SLC5A12: variants seen among roughly 807,000 people sequenced by gnomAD.
The protein encoded by SLC5A12 is sodium-coupled monocarboxylate transporter 2.
Under a neutral mutation model 72.7 loss-of-function variants are expected in SLC5A12, and 46 were observed. The ratio of observed to expected loss-of-function variants is 0.63; its 90% CI spans 0.50 to 0.81. The LOEUF (loss-of-function observed/expected upper bound fraction) is 0.81, where lower values mean the gene tolerates loss of function less well. Ranked by LOEUF, SLC5A12 falls within the 30% of genes least tolerant of loss-of-function variation. SLC5A12 has a pLI of 0.00. For synonymous variants in SLC5A12, 275 were observed against 264.4 expected (o/e 1.04, Z -0.39); for missense variants, 683 against 740.7 (o/e 0.92, Z 0.90).
At chr11:26,708,893 T>C (rs937216191) in intron 4 of SLC5A12, among the ~76,000 whole-genome samples, 3 of 152,082 alleles carry the variant, frequency 2.0e-5, no homozygotes, top group Admixed American at 1.3e-4. Flanking sequence ...ATAGCAGCCA[T>C]CACTGCTCAC....
At chr11:26,698,608 C>T in intron 6 of SLC5A12, 73 bp from the exon 7 acceptor site, 2 of 1,463,384 alleles carry the variant, frequency 1.4e-6, no homozygotes, top group Non-Finnish European at 1.8e-6. Context: ...TTACCAGGTA[C>T]TCAAGGTAAA....
rs1414982767 is a variant in SLC5A12, at chr11:26,669,139, TTC to T, written c.*1961_*1962del. The T allele has an allele frequency of 1.4e-5, 2 of 140,386 alleles. No homozygotes were observed. Among genetic ancestry groups the T allele is most frequent in the African/African-American group, 5.0e-5 (2 of 40,220 alleles). 8.7% of individuals were successfully genotyped at this position (140,386 alleles called of 1,614,324 possible). A position where few individuals can be genotyped will look rare whatever the true frequency, so the allele number is the denominator to read the frequency against. On this transcript the variant is annotated 3_prime_UTR_variant, in exon 15 of 15. Transcript: ENST00000396005. ...CTCAGAATTGCTGTTTTTTTATTCT[TTC>T]TGTCTCTCTCTTCCTCTTCCTGTCT...
rs1176440589 is a variant in SLC5A12, at chr11:26,719,264, G to A, written c.339+2112C>T. On this transcript the variant is annotated intron_variant, in intron 1 of 14. Transcript: ENST00000396005. ...TAACTTTTTATTGTAAAGTTACTGT[G>A]CACTAAGGTAATACTAATATGTGCA... is the stretch of plus-strand genomic sequence containing the variant. Among the ~76,000 whole-genome samples the A allele has an allele frequency of 2.0e-5, 3 of 152,152 alleles. No individual in the cohort carries two copies. In the East Asian group the frequency reaches 5.8e-4, roughly 29 times the overall value.
chr11:26,712,476 A>G (rs887211483), intron 2 of SLC5A12, among the ~76,000 whole-genome samples, 165 bp downstream of exon 2: 1 of 152,000 alleles, frequency 6.6e-6, no homozygotes, highest in African/African-American at 2.4e-5. Context: ...TGCAATATAC[A>G]TTTGTTTGTT....
chr11:26,685,490 C>G (rs543517984), intron 10 of SLC5A12, among the ~76,000 whole-genome samples: 16 of 152,122 alleles, frequency 1.1e-4, no homozygotes, highest in Admixed American at 3.3e-4. Flanking sequence ...CACCTGTAAT[C>G]CCAGCTACTT....
intron 4 of SLC5A12, among the ~76,000 whole-genome samples, chr11:26,708,530 C>G (rs1195710387): frequency 6.6e-6 from 1 of 151,966 alleles, no homozygotes; most frequent in East Asian, 1.9e-4. Context: ...ATACATGAAT[C>G]ATCTGCTATA....
rs1411497445 is a variant in SLC5A12 at position 26,668,304 on chromosome 11, G to T, written c.*2798C>A. ...CATTTTTACCAATATCTGTGGTTGT[G>T]CTTTAAAGGTACAGTGGTGAGTATC... is the stretch of plus-strand genomic sequence containing the variant. On this transcript the variant is annotated 3_prime_UTR_variant, in exon 15 of 15. Coordinates refer to ENST00000396005, the MANE Select transcript of SLC5A12 (RefSeq NM_178498.4). 1.3e-5 allele frequency: 2 copies of T among 151,968 alleles called. No homozygotes were observed. The highest frequency in any genetic ancestry group is 3.9e-4 in the East Asian group (2 of 5,184). 9.4% of individuals were successfully genotyped at this position (151,968 alleles called of 1,614,324 possible).
intron 3 of SLC5A12, 111 bp downstream of exon 3, chr11:26,711,196 C>T (rs1855218718): frequency 2.3e-6 from 2 of 856,170 alleles, no homozygotes; most frequent in South Asian, 3.0e-5. Flanking sequence ...AATTCAGAAT[C>T]CTCTAACCAG....
intron 3 of SLC5A12, among the ~76,000 whole-genome samples, chr11:26,711,010 A>C (rs1196111936): frequency 6.6e-6 from 1 of 152,114 alleles, no homozygotes; most frequent in African/African-American, 2.4e-5. Context: ...CAACATATAC[A>C]ATACCGAAAC....
At chr11:26,714,326 G>A (rs73438432) in intron 1 of SLC5A12, among the ~76,000 whole-genome samples, 7,703 of 152,060 alleles carry the variant, frequency 0.051, 218 homozygotes, top group South Asian at 0.096. Context: ...AAAATGATAA[G>A]CAAATATGAT....
intron 11 of SLC5A12, among the ~76,000 whole-genome samples, chr11:26,682,854 A>G (rs1209730049): frequency 1.3e-5 from 2 of 152,144 alleles, no homozygotes; most frequent in African/African-American, 2.4e-5. Flanking sequence ...ACAAGTGATT[A>G]AGACTGCTTG....
At chr11:26,691,074 T>C (rs1234503371) in intron 9 of SLC5A12, among the ~76,000 whole-genome samples, 1 of 152,070 alleles carries the variant, frequency 6.6e-6, no homozygotes, top group African/African-American at 2.4e-5. Context: ...TTATTTCCTC[T>C]TTATATAAAG....
intron 8 of SLC5A12, among the ~76,000 whole-genome samples, chr11:26,694,734 G>A (rs7926693): frequency 0.13 from 20,330 of 152,024 alleles, 1,702 homozygotes; most frequent in African/African-American, 0.24. Context: ...AAAAATATGT[G>A]ACCATTTCAA....
At position 26,669,512 on chromosome 11, in the gene SLC5A12, T is replaced by C. The variant is rs1044698227; in HGVS notation, c.*1590A>G. ...TTCCCTCTATTCCCAAATGTATTTTTTTCTCATCTCTCTTATAAACTGTAG... is the reference window on the plus strand; with the variant it reads ...TTCCCTCTATTCCCAAATGTATTTTCTTCTCATCTCTCTTATAAACTGTAG... On this transcript the variant is annotated 3_prime_UTR_variant, in exon 15 of 15. Transcript: ENST00000396005. 6.6e-6 allele frequency: 1 copy of C among 151,458 alleles called. No individual in the cohort carries two copies. The highest frequency in any genetic ancestry group is 1.5e-5 in the Non-Finnish European group (1 of 67,678). 9.4% of individuals were successfully genotyped at this position (151,458 alleles called of 1,614,324 possible).
chr11:26,687,236 ATTG>A (rs374688332), intron 9 of SLC5A12, among the ~76,000 whole-genome samples: 383 of 152,324 alleles, frequency 2.5e-3, no homozygotes, highest in Non-Finnish European at 4.0e-3. Context: ...TTAAAAAGTC[ATTG>A]TTTTTATACA....
intron 9 of SLC5A12, among the ~76,000 whole-genome samples, chr11:26,689,090 CAAA>C (rs36100337): frequency 8.1e-5 from 9 of 111,318 alleles, no homozygotes; most frequent in African/African-American, 2.5e-4. Flanking sequence ...AAGGACGTTA[CAAA>C]AAAAAAAAAA....
intron 12 of SLC5A12, among the ~76,000 whole-genome samples, chr11:26,679,382 A>C (rs938553140): frequency 6.6e-6 from 1 of 152,158 alleles, no homozygotes; most frequent in African/African-American, 2.4e-5. Context: ...CTAAGAAGAG[A>C]ATACAGTAAG....
At chr11:26,710,822 C>T (rs1274187086) in intron 3 of SLC5A12, among the ~76,000 whole-genome samples, 2 of 151,978 alleles carry the variant, frequency 1.3e-5, no homozygotes, top group African/African-American at 2.4e-5. Flanking sequence ...TTCAATACGG[C>T]AGGTGTCATT....
At position 26,703,929 on chromosome 11, in the gene SLC5A12, C is replaced by A; in HGVS notation, c.544G>T (p.Val182Leu). ...YCTLGGLKAVVWTDAFQMVVM... is the reference protein window; with the variant it reads ...YCTLGGLKAVLWTDAFQMVVM... The stretch of plus-strand genomic sequence containing the variant: ...ACCATCTGAAATGCATCTGTCCACA[C>A]CACTGCTTTTAATCCTCCCTGAAAT... Residue 182 changes from valine (V) to leucine (L), a missense_variant, in exon 5 of 15, where the codon GTG becomes TTG. By Grantham distance (32) the Val-to-Leu change is conservative. Coordinates refer to ENST00000396005, the MANE Select transcript of SLC5A12 (RefSeq NM_178498.4). The A allele has an allele frequency of 6.2e-7, 1 of 1,613,762 alleles. No individual in the cohort carries two copies. Among genetic ancestry groups the A allele is most frequent in the South Asian group, 1.1e-5 (1 of 91,072 alleles).
Sources: gnomAD v4.1 joint callset for allele counts (sites outside exome capture counted in the v4.1 genomes callset) on GRCh38, gnomAD v4.1.1 for gene constraint, MANE v1.5 for transcripts, NCBI Gene and HGNC (gene_info 2026-07-23, HGNC 2026-07-21) for gene names.